The following EPHA6 variants were observed in gnomAD, a reference collection of about 807,000 sequenced individuals.
The protein encoded by EPHA6 is ephrin type-A receptor 6.
A neutral mutation model predicts 112.0 loss-of-function variants in EPHA6; 50 were observed. That is an observed-to-expected ratio of 0.45 (90% CI 0.36 to 0.56). The LOEUF is 0.56. EPHA6 is among the 20% of genes least tolerant of loss of function. The pLI, the probability that EPHA6 is intolerant of heterozygous loss-of-function variation, is 0.00. For missense variants in EPHA6, 1,280 were observed against 1,417.4 expected, an observed-to-expected ratio of 0.90 and a Z score of 1.56; for synonymous variants, 529 against 490.7, an observed-to-expected ratio of 1.08 and a Z score of -1.03.
intron 2 of EPHA6, among the ~76,000 whole-genome samples, chr3:96,969,801 G>A (rs1487077966): frequency 1.3e-5 from 2 of 151,880 alleles, no homozygotes; most frequent in East Asian, 3.9e-4. Context: ...TTATCTTAGT[G>A]GATCTTTCAG....
chr3:97,536,674 T>C (rs917237515), intron 11 of EPHA6, among the ~76,000 whole-genome samples: 5 of 152,134 alleles, frequency 3.3e-5, no homozygotes, highest in East Asian at 1.9e-4. Context: ...GCCAGCCAAA[T>C]ACATTTTAGT....
intron 7 of EPHA6, among the ~76,000 whole-genome samples, chr3:97,470,715 C>A (rs2091204827): frequency 6.6e-6 from 1 of 151,506 alleles, no homozygotes; most frequent in Non-Finnish European, 1.5e-5. Context: ...AATGTCATCA[C>A]AACTTATGCC....
intron 5 of EPHA6, among the ~76,000 whole-genome samples, chr3:97,361,475 T>A (rs984570556): frequency 2.6e-5 from 4 of 152,190 alleles, no homozygotes; most frequent in Non-Finnish European, 5.9e-5. Context: ...CTGTTGCTTA[T>A]AACATAATAC....
intron 2 of EPHA6, among the ~76,000 whole-genome samples, chr3:96,946,163 A>C: frequency 6.6e-6 from 1 of 151,790 alleles, no homozygotes; most frequent in Non-Finnish European, 1.5e-5. Flanking sequence ...TCCCTATATG[A>C]TAGCTCATTT....
At chr3:97,557,778 T>G (rs2093133358) in intron 11 of EPHA6, among the ~76,000 whole-genome samples, 1 of 151,676 alleles carries the variant, frequency 6.6e-6, no homozygotes, top group African/African-American at 2.4e-5. Context: ...CATTCTCCTG[T>G]GATTTTAAGA....
intron 3 of EPHA6, among the ~76,000 whole-genome samples, chr3:97,054,724 C>G (rs2045798229): frequency 6.6e-6 from 1 of 151,940 alleles, no homozygotes; most frequent in African/African-American, 2.4e-5. Flanking sequence ...AAGGTATGCT[C>G]AGAAAAATGA....
At chr3:96,836,989 C>A (rs187296559) in intron 1 of EPHA6, among the ~76,000 whole-genome samples, 1 of 151,980 alleles carries the variant, frequency 6.6e-6, no homozygotes, top group Non-Finnish European at 1.5e-5. Context: ...GTAACTTACC[C>A]GAAAACACTC....
chr3:97,512,212 C>T (rs2092377554), intron 10 of EPHA6, among the ~76,000 whole-genome samples: 1 of 152,028 alleles, frequency 6.6e-6, no homozygotes, highest in African/African-American at 2.4e-5. Context: ...TAAATAAGAT[C>T]ACATTAAAAT....
intron 2 of EPHA6, among the ~76,000 whole-genome samples, chr3:96,938,270 C>G (rs1016580657): frequency 6.6e-6 from 1 of 152,088 alleles, no homozygotes; most frequent in Non-Finnish European, 1.5e-5. Flanking sequence ...TCTTTGTATC[C>G]TCTTTTATTT....
At chr3:97,190,731 C>T (rs111832066) in intron 3 of EPHA6, among the ~76,000 whole-genome samples, 4 of 151,420 alleles carry the variant, frequency 2.6e-5, no homozygotes, top group Admixed American at 6.6e-5. Flanking sequence ...TGGAGGGGAG[C>T]GGGGAGGGAT....
At chr3:97,555,635 T>G (rs369267312) in intron 11 of EPHA6, among the ~76,000 whole-genome samples, 35 of 152,130 alleles carry the variant, frequency 2.3e-4, no homozygotes, top group South Asian at 2.1e-3. Flanking sequence ...GGTGTGAGAT[T>G]GTATCTCATT....
intron 14 of EPHA6, among the ~76,000 whole-genome samples, chr3:97,699,054 T>C (rs2033209942): frequency 6.6e-6 from 1 of 152,134 alleles, no homozygotes; most frequent in African/African-American, 2.4e-5. Flanking sequence ...AATTGTGACA[T>C]ATGTGGAGTC....
At chr3:97,396,931 C>T (rs1244497905) in intron 5 of EPHA6, among the ~76,000 whole-genome samples, 1 of 151,576 alleles carries the variant, frequency 6.6e-6, no homozygotes, top group Non-Finnish European at 1.5e-5. Context: ...TAACTAATTC[C>T]CCTAAACATT....
rs373177259 is a variant in EPHA6, at chr3:96,825,971, A to G, written c.385+10963A>G. On this transcript the variant is annotated intron_variant, in intron 1 of 17. Transcript: ENST00000389672. ...AAATTAGAGGTCTACTGATAACGCT[A>G]ATAGATTATCCCTCACTTTGAATAC... Among the ~76,000 whole-genome samples, 69 of 151,986 alleles carry G rather than the reference A, an allele frequency of 4.5e-4. 2 individuals carry two copies. In the East Asian group the frequency reaches 0.012, roughly 27 times the overall value.
chr3:96,994,358 AT>A, intron 3 of EPHA6: 1 of 223,476 alleles, frequency 4.5e-6, no homozygotes, highest in Admixed American at 5.2e-5. Context: ...CAGATTTAAC[AT>A]TGTTTTAATT....
chr3:97,559,266 A>G (rs929444302), intron 11 of EPHA6, among the ~76,000 whole-genome samples: 16 of 152,046 alleles, frequency 1.1e-4, no homozygotes, highest in Admixed American at 7.9e-4. Context: ...CCATAATTCT[A>G]CTGAAATCAT....
chr3:97,204,624 GAGA>G (rs369273455), intron 3 of EPHA6, among the ~76,000 whole-genome samples: 1 of 152,176 alleles, frequency 6.6e-6, no homozygotes, highest in East Asian at 1.9e-4. Flanking sequence ...ATTTAACGCA[GAGA>G]AGAAGTTTCT....
chr3:97,526,494 G>T (rs1307962702), intron 10 of EPHA6, among the ~76,000 whole-genome samples: 2 of 151,898 alleles, frequency 1.3e-5, no homozygotes, highest in African/African-American at 4.8e-5. Flanking sequence ...GGGGGGGTGA[G>T]AACCCCAATA....
chr3:96,986,655 T>G (rs2043032929), intron 2 of EPHA6, among the ~76,000 whole-genome samples: 1 of 152,126 alleles, frequency 6.6e-6, no homozygotes. Context: ...TTTTATTCAT[T>G]TCTACTTTTT....
Sources: gnomAD v4.1 joint callset for allele counts (sites outside exome capture counted in the v4.1 genomes callset) on GRCh38, gnomAD v4.1.1 for gene constraint, MANE v1.5 for transcripts, NCBI Gene and HGNC (gene_info 2026-07-23, HGNC 2026-07-21) for gene names.